Variants in SORCS1 observed in about 807,000 individuals in gnomAD.
SORCS1 encodes sortilin related VPS10 domain containing receptor 1.
A neutral mutation model predicts 146.1 loss-of-function variants in SORCS1; 60 were observed. The ratio of observed to expected loss-of-function variants is 0.41; its 90% CI spans 0.33 to 0.51. The LOEUF is 0.51. SORCS1 is among the 20% of genes least tolerant of loss of function. The pLI, the probability that SORCS1 is intolerant of heterozygous loss-of-function variation, is 0.21. For missense variants in SORCS1, 1,352 were observed against 1,487.6 expected, an observed-to-expected ratio of 0.91 and a Z score of 1.50; for synonymous variants, 637 against 584.0, an observed-to-expected ratio of 1.09 and a Z score of -1.31.
intron 1 of SORCS1, among the ~76,000 whole-genome samples, chr10:107,090,435 C>T (rs1355327492): frequency 6.6e-6 from 1 of 152,150 alleles, no homozygotes; most frequent in African/African-American, 2.4e-5. Flanking sequence ...ACTTGTAATT[C>T]AGGTTGGGTC....
intron 3 of SORCS1, among the ~76,000 whole-genome samples, chr10:106,814,689 T>G (rs822009): frequency 8.6e-5 from 13 of 151,866 alleles, no homozygotes; most frequent in African/African-American, 3.1e-4. Flanking sequence ...CCAAGGCGGG[T>G]GGATCACGAG....
rs201009614 is a variant in SORCS1, at chr10:107,035,262, C to CAA, written c.559-78684_559-78683dup. Among the ~76,000 whole-genome samples the CAA allele has an allele frequency of 4.2e-4, 12 of 28,266 alleles. No individual in the cohort carries two copies. In the East Asian group the frequency reaches 5.3e-3, roughly 12 times the overall value. 18.5% of individuals were successfully genotyped at this position (28,266 alleles called of 152,430 possible). A position where few individuals can be genotyped will look rare whatever the true frequency, so the allele number is the denominator to read the frequency against. On this transcript the variant is annotated intron_variant, in intron 1 of 25. Coordinates refer to ENST00000263054, the MANE Select transcript of SORCS1 (RefSeq NM_052918.5). ...TAGAGCATTTGGTCCAGTGAAGCTT[C>CAA]AAAAAAAAAAAAACAACAAAAAAAA...
chr10:106,762,237 C>A (rs971345997), intron 4 of SORCS1, among the ~76,000 whole-genome samples: 1 of 152,066 alleles, frequency 6.6e-6, no homozygotes, highest in South Asian at 2.1e-4. Flanking sequence ...AAAGGAACAA[C>A]ATGAGTTAAA....
At position 106,761,656 on chromosome 10, in the gene SORCS1, G is replaced by A. The variant is rs1359742112; in HGVS notation, c.891C>T (p.Tyr297=). 6.2e-7 allele frequency: 1 copy of A among 1,613,924 alleles called. No homozygotes were observed. The highest frequency in any genetic ancestry group is 1.3e-5 in the African/African-American group (1 of 74,934). The change falls in exon 5 of 26, where the codon TAC becomes TAT. Residue 297 remains tyrosine, a synonymous_variant. Coordinates refer to ENST00000263054, the MANE Select transcript of SORCS1 (RefSeq NM_052918.5). ...ATCTTCTCCCAAATTCAGCAGAGCT[G>A]TATAACTGTAAAGAACAGAAATTAC... ...ILAYSQDQKL[Y]SSAEFGRRWQ... is the part of the protein sequence containing the mutation.
At chr10:106,997,637 G>A (rs995008397) in intron 1 of SORCS1, among the ~76,000 whole-genome samples, 2 of 152,108 alleles carry the variant, frequency 1.3e-5, no homozygotes, top group African/African-American at 4.8e-5. Context: ...AGTAGCATCA[G>A]AAATGAGAGA....
intron 1 of SORCS1, among the ~76,000 whole-genome samples, chr10:107,013,676 T>A (rs1235056940): frequency 6.6e-6 from 1 of 152,140 alleles, no homozygotes; most frequent in Non-Finnish European, 1.5e-5. Flanking sequence ...AGGCTACCTT[T>A]GGCCAGTGGT....
chr10:106,890,101 G>C (rs1421789841), intron 2 of SORCS1, among the ~76,000 whole-genome samples: 2 of 152,060 alleles, frequency 1.3e-5, no homozygotes, highest in African/African-American at 4.8e-5. Context: ...AAGTTACCGG[G>C]ATGGCAAGCA....
At chr10:106,780,644 T>G (rs1018612388) in intron 3 of SORCS1, among the ~76,000 whole-genome samples, 2 of 152,200 alleles carry the variant, frequency 1.3e-5, no homozygotes, top group Non-Finnish European at 2.9e-5. Flanking sequence ...CCAGTCCCCT[T>G]GAGCAAATCC....
intron 1 of SORCS1, among the ~76,000 whole-genome samples, chr10:107,083,984 T>C (rs1963550556): frequency 6.6e-6 from 1 of 152,062 alleles, no homozygotes. Context: ...ATTTCCTACC[T>C]AACACAACTT....
intron 5 of SORCS1, among the ~76,000 whole-genome samples, chr10:106,754,645 T>C (rs749806527): frequency 3.3e-5 from 5 of 152,206 alleles, no homozygotes; most frequent in Admixed American, 2.0e-4. Flanking sequence ...GTCATTCACA[T>C]TGACTGGCAT....
intron 6 of SORCS1, among the ~76,000 whole-genome samples, chr10:106,721,644 A>G (rs1307097245): frequency 6.6e-6 from 1 of 152,198 alleles, no homozygotes; most frequent in East Asian, 1.9e-4. Context: ...ATACTGATAG[A>G]CTATTTATTG....
intron 20 of SORCS1, chr10:106,620,184 A>C: frequency 2.1e-5 from 8 of 380,282 alleles, no homozygotes; most frequent in Non-Finnish European, 1.9e-5. Context: ...AAAGACAAGT[A>C]CAGCTGGAGA....
chr10:106,988,457 T>C (rs1389289533), intron 1 of SORCS1, among the ~76,000 whole-genome samples: 1 of 152,174 alleles, frequency 6.6e-6, no homozygotes, highest in Non-Finnish European at 1.5e-5. Context: ...CAGTTGGACG[T>C]CTTAGCGTCT....
intron 1 of SORCS1, among the ~76,000 whole-genome samples, chr10:107,150,482 A>G (rs1470190887): frequency 1.3e-5 from 2 of 152,220 alleles, no homozygotes; most frequent in Non-Finnish European, 2.9e-5. Context: ...ACCATCTGAC[A>G]TGGTTGGGTG....
chr10:107,150,620 T>C (rs573122686), intron 1 of SORCS1, among the ~76,000 whole-genome samples: 1 of 152,368 alleles, frequency 6.6e-6, no homozygotes, highest in East Asian at 1.9e-4. Context: ...ATGGTTTGGC[T>C]GTGTCTCCAT....
intron 20 of SORCS1, among the ~76,000 whole-genome samples, chr10:106,618,508 C>T (rs1009818366): frequency 6.6e-6 from 1 of 152,162 alleles, no homozygotes; most frequent in African/African-American, 2.4e-5. Context: ...CTGATATCAT[C>T]CTGATTCAGG....
intron 19 of SORCS1, among the ~76,000 whole-genome samples, chr10:106,620,950 A>C (rs1346410438): frequency 1.3e-5 from 2 of 152,212 alleles, no homozygotes; most frequent in African/African-American, 4.8e-5. Context: ...ATCCATATTG[A>C]TGAAGGGTGA....
chr10:106,761,758 A>G, intron 4 of SORCS1, 97 bp from the exon 5 acceptor site: 1 of 1,035,250 alleles, frequency 9.7e-7, no homozygotes. Context: ...AATAATACCC[A>G]ACATTTACTG....
intron 1 of SORCS1, among the ~76,000 whole-genome samples, chr10:106,977,318 C>T (rs1956070295): frequency 1.3e-5 from 2 of 151,962 alleles, no homozygotes; most frequent in Admixed American, 6.6e-5. Context: ...CATATTTGGC[C>T]GCATAAATGT....
Sources: gnomAD v4.1 joint callset for allele counts (sites outside exome capture counted in the v4.1 genomes callset) on GRCh38, gnomAD v4.1.1 for gene constraint, MANE v1.5 for transcripts, NCBI Gene and HGNC (gene_info 2026-07-23, HGNC 2026-07-21) for gene names.